Variants in MAST4 observed in about 807,000 individuals in gnomAD.
MAST4 encodes microtubule-associated serine/threonine-protein kinase 4.
MAST4 carries 89 observed loss-of-function variants against 162.7 expected under a neutral mutation model. The ratio of observed to expected loss-of-function variants is 0.55; its 90% confidence interval spans 0.46 to 0.65. The LOEUF (loss-of-function observed/expected upper bound fraction) is 0.65. Ranked by LOEUF, MAST4 falls within the 30% of genes least tolerant of loss-of-function variation. The pLI is 0.00. For missense variants in MAST4, 3,153 were observed against 3,374.0 expected (o/e 0.93, Z 1.62); for synonymous variants, 1,479 against 1,361.1 (o/e 1.09, Z -1.91).
intron 3 of MAST4, among the ~76,000 whole-genome samples, chr5:66,868,460 T>C (rs1580710849): frequency 6.8e-6 from 1 of 147,356 alleles, no homozygotes; most frequent in African/African-American, 2.5e-5. Context: ...TATACGTATA[T>C]GTATATATAT....
rs775146707 is a variant in MAST4, at chr5:67,166,896, G to C, written c.7717G>C (p.Ala2573Pro). Residue 2573 changes from alanine (A) to proline (P), a missense_variant, in exon 29 of 29, where the codon GCT (alanine) becomes CCT (proline). This residue lies in a region of MAST4 where 1,644 missense variants were observed against 1,495.0 expected (regional missense o/e 1.10). Coordinates refer to ENST00000403625, the MANE Select transcript of MAST4 (RefSeq NM_001164664.2). Reference sequence around the variant, plus strand: ...CCCTGCCCCAGCCCAGCCTCCCCCAGCTAGGAAACAGAACGTGGGCAGAGA... The same window carrying C: ...CCCTGCCCCAGCCCAGCCTCCCCCACCTAGGAAACAGAACGTGGGCAGAGA... ...KDPAPAQPPPARKQNVGRDVT... is the reference protein window; with the variant it reads ...KDPAPAQPPPPRKQNVGRDVT... 6.2e-7 allele frequency: 1 copy of C among 1,610,964 alleles called. No individual in the cohort carries two copies. The highest frequency in any genetic ancestry group is 2.2e-5 in the East Asian group (1 of 44,812).
intron 3 of MAST4, among the ~76,000 whole-genome samples, chr5:66,870,077 A>G (rs1472649300): frequency 4.6e-5 from 7 of 152,210 alleles, no homozygotes; most frequent in African/African-American, 1.7e-4. Flanking sequence ...GGAAGGTGTT[A>G]TGCCTTTCCG....
rs1325142609 is a variant in MAST4, at chr5:66,893,309, G to A, written c.643-6642G>A. Among the ~76,000 whole-genome samples, 6 of 151,998 alleles carry A rather than the reference G, an allele frequency of 3.9e-5. No homozygotes were observed. The South Asian group carries it at 8.3e-4, about 21-fold the overall frequency. ...CAACCTCCGCCTTCTGGGTTCAAGC[G>A]ATTCTCCTGCCTCAGCCTCCTGAGT... On this transcript the variant is annotated intron_variant, in intron 3 of 28. Transcript: ENST00000403625.
intron 3 of MAST4, among the ~76,000 whole-genome samples, chr5:66,876,101 C>T (rs185585545): frequency 2.0e-5 from 3 of 152,290 alleles, no homozygotes; most frequent in East Asian, 1.9e-4. Context: ...AAATGCTTAT[C>T]GTACACTCAG....
chr5:66,804,444 C>T (rs548934196), intron 3 of MAST4, among the ~76,000 whole-genome samples: 1 of 152,274 alleles, frequency 6.6e-6, no homozygotes, highest in East Asian at 1.9e-4. Flanking sequence ...TCCCGTGGGA[C>T]CCAGGTGGAA....
intron 1 of MAST4, among the ~76,000 whole-genome samples, chr5:66,692,618 A>G (rs1260522443): frequency 6.6e-6 from 1 of 152,136 alleles, no homozygotes; most frequent in Non-Finnish European, 1.5e-5. Flanking sequence ...CAGTGGACTC[A>G]TTAAATCATT....
At chr5:66,834,896 A>T (rs62369034) in intron 3 of MAST4, among the ~76,000 whole-genome samples, 4,053 of 152,208 alleles carry the variant, frequency 0.027, 80 homozygotes, top group Admixed American at 0.041. Flanking sequence ...CTCAATTTTA[A>T]ATTGCTCTGC....
intron 26 of MAST4, among the ~76,000 whole-genome samples, chr5:67,158,952 T>G (rs1772869128): frequency 6.6e-6 from 1 of 152,206 alleles, no homozygotes; most frequent in South Asian, 2.1e-4. Context: ...GAGAATCACT[T>G]GAACCTGGGA....
intron 1 of MAST4, among the ~76,000 whole-genome samples, chr5:66,669,303 C>A (rs1167099297): frequency 6.6e-6 from 1 of 152,034 alleles, no homozygotes; most frequent in Admixed American, 6.6e-5. Context: ...ACAGAGTGGG[C>A]GCTCCTGGTG....
intron 11 of MAST4, among the ~76,000 whole-genome samples, chr5:67,111,940 C>T (rs748976347): frequency 2.0e-5 from 3 of 152,138 alleles, no homozygotes; most frequent in Non-Finnish European, 4.4e-5. Flanking sequence ...CAACCTATCA[C>T]CTTATCCTTA....
chr5:66,728,427 A>C (rs1252270445), intron 1 of MAST4, among the ~76,000 whole-genome samples: 1 of 152,220 alleles, frequency 6.6e-6, no homozygotes, highest in Admixed American at 6.5e-5. Flanking sequence ...AGGGTGAACA[A>C]AGCTGTTCAA....
At chr5:66,762,450 G>C (rs1172621629) in intron 2 of MAST4, among the ~76,000 whole-genome samples, 1 of 152,196 alleles carries the variant, frequency 6.6e-6, no homozygotes, top group African/African-American at 2.4e-5. Flanking sequence ...AATTTGGGGG[G>C]ATTTGGAGTT....
chr5:67,118,261 C>A (rs939552612), intron 12 of MAST4, among the ~76,000 whole-genome samples: 2 of 152,170 alleles, frequency 1.3e-5, no homozygotes, highest in Non-Finnish European at 2.9e-5. Flanking sequence ...GAATGGAACA[C>A]GAGATATGCA....
intron 3 of MAST4, among the ~76,000 whole-genome samples, chr5:66,844,295 T>G (rs1338552972): frequency 1.3e-5 from 2 of 151,958 alleles, no homozygotes; most frequent in Admixed American, 1.3e-4. Context: ...CCTTTTCAGC[T>G]TTGAAATGCA....
intron 2 of MAST4, 63 bp from the exon 3 acceptor site, chr5:66,788,607 C>CCCAGCAAAAAAAAAACAA: frequency 7.3e-7 from 1 of 1,373,726 alleles, no homozygotes; most frequent in Non-Finnish European, 1.0e-6. Context: ...CCCCCACCCC[C>CCCAGCAAAAAAAAAACAA]ATTGCAATAA....
chr5:66,673,677 A>T (rs1168393969), intron 1 of MAST4, among the ~76,000 whole-genome samples: 1 of 151,750 alleles, frequency 6.6e-6, no homozygotes, highest in Non-Finnish European at 1.5e-5. Flanking sequence ...TGTATTTTTA[A>T]TAGAGACGAG....
intron 2 of MAST4, among the ~76,000 whole-genome samples, chr5:66,780,492 G>C (rs898497652): frequency 2.6e-5 from 4 of 152,166 alleles, no homozygotes; most frequent in Admixed American, 6.5e-5. Flanking sequence ...CTGACTTCAA[G>C]AATGAAGCTG....
intron 1 of MAST4, among the ~76,000 whole-genome samples, chr5:66,733,879 T>C (rs1752008441): frequency 6.6e-6 from 1 of 152,188 alleles, no homozygotes; most frequent in African/African-American, 2.4e-5. Context: ...TGCTGGATAA[T>C]AATCTAAAAT....
At chr5:66,727,973 T>C (rs1407431111) in intron 1 of MAST4, among the ~76,000 whole-genome samples, 2 of 152,142 alleles carry the variant, frequency 1.3e-5, no homozygotes, top group African/African-American at 4.8e-5. Context: ...TGGGTTCATG[T>C]TGAAAACCAT....
Sources: gnomAD v4.1 joint callset for allele counts (sites outside exome capture counted in the v4.1 genomes callset) on GRCh38, gnomAD v4.1.1 for gene constraint, gnomAD v4.1.1 regional missense constraint, MANE v1.5 for transcripts, NCBI Gene and HGNC (gene_info 2026-07-23, HGNC 2026-07-21) for gene names.